ARHGAP28: variants seen among roughly 807,000 people sequenced by gnomAD.
ARHGAP28 encodes the protein Rho GTPase activating protein 28.
A neutral mutation model predicts 90.7 loss-of-function variants in ARHGAP28; 56 were observed. The ratio of observed to expected loss-of-function variants is 0.62; its 90% confidence interval spans 0.50 to 0.77. ARHGAP28 has a LOEUF of 0.77. ARHGAP28 is among the 30% of genes least tolerant of loss of function. ARHGAP28 has a pLI of 0.00. For missense variants in ARHGAP28, 869 were observed against 900.9 expected, an observed-to-expected ratio of 0.96 and a Z score of 0.45; for synonymous variants, 308 against 323.3, an observed-to-expected ratio of 0.95 and a Z score of 0.51.
chr18:6,781,258 T>C (rs540452128), intron 1 of ARHGAP28, among the ~76,000 whole-genome samples: 15 of 152,266 alleles, frequency 9.9e-5, no homozygotes, highest in Non-Finnish European at 1.8e-4. Flanking sequence ...CCCAGGGGAT[T>C]GGACACAGTG....
chr18:6,909,274 G>C (rs513694), intron 17 of ARHGAP28, among the ~76,000 whole-genome samples: 1 of 99,708 alleles, frequency 1.0e-5, no homozygotes, highest in Non-Finnish European at 2.3e-5. Flanking sequence ...TCTTTTCTTT[G>C]CTTTTCTTTT....
At chr18:6,812,691 A>G (rs16950629) in intron 1 of ARHGAP28, among the ~76,000 whole-genome samples, 9,777 of 152,270 alleles carry the variant, frequency 0.064, 971 homozygotes, top group African/African-American at 0.21. Flanking sequence ...TCGACTGTGG[A>G]AGAGCTTCAG....
intron 4 of ARHGAP28, among the ~76,000 whole-genome samples, chr18:6,853,120 C>T (rs1270087139): frequency 1.3e-5 from 2 of 152,172 alleles, no homozygotes. Context: ...CCTGGTTCAT[C>T]TGGCATGCTC....
chr18:6,827,228 C>G (rs1448334024), intron 2 of ARHGAP28, among the ~76,000 whole-genome samples: 1 of 152,058 alleles, frequency 6.6e-6, no homozygotes, highest in Non-Finnish European at 1.5e-5. Flanking sequence ...GGGTGGTGGC[C>G]GGGCAGAGGG....
intron 4 of ARHGAP28, among the ~76,000 whole-genome samples, chr18:6,857,647 G>A (rs929990830): frequency 2.6e-4 from 40 of 152,200 alleles, no homozygotes; most frequent in African/African-American, 8.7e-4. Context: ...CCCCAGTCCC[G>A]TCTATCAGAA....
At chr18:6,800,882 A>G (rs1038533066) in intron 1 of ARHGAP28, among the ~76,000 whole-genome samples, 15 of 152,226 alleles carry the variant, frequency 9.9e-5, no homozygotes, top group African/African-American at 3.6e-4. Flanking sequence ...TGGTTTGATT[A>G]TTACTGAATT....
chr18:6,845,577 C>T (rs2056860137), intron 3 of ARHGAP28, among the ~76,000 whole-genome samples: 1 of 152,254 alleles, frequency 6.6e-6, no homozygotes, highest in East Asian at 1.9e-4. Flanking sequence ...TCTCCCTCCC[C>T]CGATCCTGGA....
intron 1 of ARHGAP28, among the ~76,000 whole-genome samples, chr18:6,747,783 C>T (rs1040056814): frequency 6.6e-6 from 1 of 152,114 alleles, no homozygotes; most frequent in African/African-American, 2.4e-5. Flanking sequence ...AGTGGTTCAG[C>T]CAGAGTGCCA....
intron 9 of ARHGAP28, among the ~76,000 whole-genome samples, chr18:6,874,341 G>T (rs2057114557): frequency 6.6e-6 from 1 of 152,172 alleles, no homozygotes; most frequent in South Asian, 2.1e-4. Context: ...TAGACAAAAA[G>T]AATAATTTTG....
intron 1 of ARHGAP28, among the ~76,000 whole-genome samples, chr18:6,739,809 A>T (rs1047894082): frequency 2.7e-5 from 4 of 149,088 alleles, no homozygotes; most frequent in East Asian, 3.9e-4. Flanking sequence ...AGTTAAAAAC[A>T]TTTTTTTGTT....
At position 6,912,066 on chromosome 18, in the gene ARHGAP28, A is replaced by T; in HGVS notation, c.2102A>T (p.His701Leu). 1 of 1,599,312 alleles carries T rather than the reference A, an allele frequency of 6.3e-7. No homozygotes were observed. Among genetic ancestry groups the T allele is most frequent in the Non-Finnish European group, 8.5e-7 (1 of 1,169,868 alleles). ...ATCTTTCTCTTTCTTTTAGGAGAGC[A>T]TTGCTTGGATCCAGATGCTTATATA... ...LYEIGGNIGE[H>L]CLDPDAYILD... The change falls in exon 18 of 18, where the codon CAT becomes CTT. Residue 701 changes from histidine (H) to leucine (L), a missense_variant. Physicochemically the swap from His to Leu is moderately conservative, Grantham distance 99 (BLOSUM62 -3). Coordinates refer to ENST00000383472, the MANE Select transcript of ARHGAP28 (RefSeq NM_001366230.1).
At chr18:6,875,309 C>G (rs1162945371) in intron 9 of ARHGAP28, among the ~76,000 whole-genome samples, 2 of 152,230 alleles carry the variant, frequency 1.3e-5, no homozygotes. Flanking sequence ...AGAGGCTTTT[C>G]TTACAGACAT....
At chr18:6,850,773 A>C (rs1600245700) in intron 3 of ARHGAP28, 2 of 1,507,408 alleles carry the variant, frequency 1.3e-6, no homozygotes, top group East Asian at 4.9e-5. Context: ...TTAGGAAAGA[A>C]AAGAAAGTGG....
intron 16 of ARHGAP28, chr18:6,896,918 T>C: frequency 9.7e-6 from 2 of 206,590 alleles, no homozygotes; most frequent in Admixed American, 5.5e-5. Flanking sequence ...TATTTTATTT[T>C]ATTTATTTTT....
At chr18:6,891,410 A>G (rs2435967) in intron 14 of ARHGAP28, among the ~76,000 whole-genome samples, 1 of 151,698 alleles carries the variant, frequency 6.6e-6, no homozygotes, top group Non-Finnish European at 1.5e-5. Context: ...GACTACAGGC[A>G]TGCGCCACCA....
intron 5 of ARHGAP28, among the ~76,000 whole-genome samples, chr18:6,861,314 C>T (rs1159233994): frequency 1.3e-5 from 2 of 152,210 alleles, no homozygotes; most frequent in African/African-American, 2.4e-5. Context: ...CTGCTCCCCT[C>T]CTGTCTTACA....
At chr18:6,909,271 TTTGC>T (rs2057381766) in intron 17 of ARHGAP28, among the ~76,000 whole-genome samples, 1 of 56,962 alleles carries the variant, frequency 1.8e-5, no homozygotes, top group Non-Finnish European at 4.7e-5. Context: ...TTTTCTTTTC[TTTGC>T]TTTTCTTTTC....
intron 4 of ARHGAP28, among the ~76,000 whole-genome samples, chr18:6,851,334 C>T (rs2056909362): frequency 6.6e-6 from 1 of 152,132 alleles, no homozygotes; most frequent in Admixed American, 6.5e-5. Context: ...TGAAAATGTG[C>T]TCAGCATTAT....
chr18:6,895,806 G>A (rs2057300548), intron 15 of ARHGAP28, among the ~76,000 whole-genome samples: 1 of 152,176 alleles, frequency 6.6e-6, no homozygotes, highest in Admixed American at 6.5e-5. Flanking sequence ...GCTTCATTTT[G>A]TCTTTTGGGG....
Sources: gnomAD v4.1 joint callset for allele counts (sites outside exome capture counted in the v4.1 genomes callset) on GRCh38, gnomAD v4.1.1 for gene constraint, MANE v1.5 for transcripts, NCBI Gene and HGNC (gene_info 2026-07-23, HGNC 2026-07-21) for gene names.